ATL1: variants seen among roughly 807,000 people sequenced by gnomAD.
ATL1 encodes atlastin GTPase 1.
In ATL1, 31 loss-of-function variants were observed where a neutral mutation model predicts 75.5. The observed-to-expected ratio is 0.41, with a 90% CI of 0.31 to 0.55. ATL1 has a LOEUF of 0.55. ATL1 is among the 20% of genes least tolerant of loss of function. ATL1 has a pLI of 0.27. For missense variants in ATL1, 405 were observed against 662.6 expected (o/e 0.61, Z 4.27); for synonymous variants, 226 against 233.3 (o/e 0.97, Z 0.28).
At chr14:50,590,417 C>A (rs2140204310) in intron 2 of ATL1, among the ~76,000 whole-genome samples, 1 of 152,220 alleles carries the variant, frequency 6.6e-6, no homozygotes, top group African/African-American at 2.4e-5. Flanking sequence ...TTCCTCCTCC[C>A]ACAAAACCAA....
chr14:50,561,430 G>A (rs2038843720), intron 1 of ATL1, among the ~76,000 whole-genome samples: 2 of 152,174 alleles, frequency 1.3e-5, no homozygotes, highest in Admixed American at 1.3e-4. Context: ...ATTGTTATTT[G>A]GAAATAACAG....
chr14:50,601,554 C>G (rs1475268956), intron 6 of ATL1, among the ~76,000 whole-genome samples: 1 of 152,152 alleles, frequency 6.6e-6, no homozygotes, highest in Non-Finnish European at 1.5e-5. Context: ...AACCAACTTG[C>G]AAAAATTCCT....
rs867339430 is a variant in ATL1 at position 50,584,072 on chromosome 14, C to T, written c.35-3759C>T. On this transcript the variant is annotated intron_variant, in intron 1 of 13. Coordinates refer to ENST00000358385, the MANE Select transcript of ATL1 (RefSeq NM_015915.5). The stretch of plus-strand genomic sequence containing the variant: ...GGACTAGGAACTTAAGTATCAAAAG[C>T]AAACTTTAAAACATAGAAAAGTCTG... 1.1e-4 allele frequency among the ~76,000 whole-genome samples: 17 copies of T among 152,110 alleles called. 1 individual carries two copies. The highest frequency in any genetic ancestry group is 3.4e-4 in the African/African-American group (14 of 41,418).
intron 1 of ATL1, among the ~76,000 whole-genome samples, chr14:50,549,219 G>T (rs1215914277): frequency 6.6e-6 from 1 of 152,116 alleles, no homozygotes; most frequent in African/African-American, 2.4e-5. Flanking sequence ...GTCTAGCAAA[G>T]GCACCCAACA....
chr14:50,601,783 T>A (rs989566451), intron 6 of ATL1, among the ~76,000 whole-genome samples: 3 of 152,116 alleles, frequency 2.0e-5, no homozygotes, highest in African/African-American at 7.2e-5. Flanking sequence ...AATAACTAGG[T>A]TCTTTATATT....
In ATL1 at chr14:50,632,544, T is replaced by C. The variant is rs552249091; in HGVS notation, c.*205T>C. ...ATGGTTATACTATTTTGTTAACATG[T>C]ACAATTTCCTGATTTTTCTTCAAAA... On this transcript the variant is annotated 3_prime_UTR_variant, in exon 14 of 14. Transcript: ENST00000358385. The C allele has an allele frequency of 4.5e-6, 2 of 440,620 alleles. No individual in the cohort carries two copies. The highest frequency in any genetic ancestry group is 8.4e-6 in the Non-Finnish European group (2 of 237,568). The allele number at this position is 440,620 out of a possible 1,614,324, so 27.3% of individuals were successfully genotyped here.
At chr14:50,579,518 A>C (rs1304255403) in intron 1 of ATL1, among the ~76,000 whole-genome samples, 1 of 152,194 alleles carries the variant, frequency 6.6e-6, no homozygotes, top group Non-Finnish European at 1.5e-5. Flanking sequence ...TATGCAACAG[A>C]GAAATAAGCT....
At chr14:50,613,754 A>C (rs1358119821) in intron 7 of ATL1, among the ~76,000 whole-genome samples, 1 of 152,200 alleles carries the variant, frequency 6.6e-6, no homozygotes, top group Non-Finnish European at 1.5e-5. Flanking sequence ...TATCACCAAA[A>C]GTGCCTACTG....
chr14:50,628,328 A>T lies in ATL1; in HGVS notation c.1417A>T (p.Ile473Leu). 1 of 1,614,180 alleles carries T rather than the reference A, an allele frequency of 6.2e-7. No homozygotes were observed. Among genetic ancestry groups the T allele is most frequent in the Non-Finnish European group, 8.5e-7 (1 of 1,180,028 alleles). Residue 473 changes from isoleucine to leucine, a missense_variant, in exon 12 of 14, where the codon ATA becomes TTA. Ile to Leu is a conservative substitution (Grantham distance 5). Transcript: ENST00000358385. The stretch of plus-strand genomic sequence containing the variant: ...GACTGGATTCATTGGTTTGGACATC[A>T]TAGCTAGCCTATGCAATATGATAAT... ...GVTGFIGLDI[I>L]ASLCNMIMGL...
intron 6 of ATL1, among the ~76,000 whole-genome samples, chr14:50,602,830 T>C (rs1162658753): frequency 2.6e-5 from 4 of 152,066 alleles, no homozygotes; most frequent in Non-Finnish European, 5.9e-5. Flanking sequence ...GCCTTGATGA[T>C]TGATGCAGAA....
At chr14:50,575,910 A>G (rs2039001710) in intron 1 of ATL1, among the ~76,000 whole-genome samples, 1 of 152,196 alleles carries the variant, frequency 6.6e-6, no homozygotes, top group Non-Finnish European at 1.5e-5. Context: ...CCAGTAACTC[A>G]GAACACCACA....
chr14:50,551,301 T>C (rs1454501882), intron 1 of ATL1, among the ~76,000 whole-genome samples: 1 of 151,912 alleles, frequency 6.6e-6, no homozygotes, highest in Admixed American at 6.6e-5. Flanking sequence ...TTCCTGGAAA[T>C]GTACAACCCT....
chr14:50,583,903 G>C (rs1429310295), intron 1 of ATL1, among the ~76,000 whole-genome samples: 3 of 152,130 alleles, frequency 2.0e-5, no homozygotes, highest in Non-Finnish European at 4.4e-5. Flanking sequence ...GTGTGTTTGT[G>C]TAAAACTCTT....
intron 1 of ATL1, among the ~76,000 whole-genome samples, chr14:50,584,599 T>C (rs1225962370): frequency 1.3e-5 from 2 of 151,642 alleles, no homozygotes; most frequent in Admixed American, 1.3e-4. Flanking sequence ...GTCCCAGCTA[T>C]TCAGGAGGCT....
intron 1 of ATL1, among the ~76,000 whole-genome samples, chr14:50,563,025 T>C (rs1020308379): frequency 2.6e-5 from 4 of 152,252 alleles, no homozygotes; most frequent in South Asian, 2.1e-4. Flanking sequence ...AGTAGATGAT[T>C]GACCCAGGAT....
chr14:50,604,936 G>C (rs1300220917), intron 6 of ATL1, among the ~76,000 whole-genome samples: 2 of 152,076 alleles, frequency 1.3e-5, no homozygotes, highest in Admixed American at 1.3e-4. Context: ...GATACTTCAA[G>C]TAATTAGATG....
chr14:50,539,959 C>T (rs764251454), intron 1 of ATL1, among the ~76,000 whole-genome samples: 1 of 152,090 alleles, frequency 6.6e-6, no homozygotes, highest in Non-Finnish European at 1.5e-5. Context: ...CTTAGTCAAA[C>T]TCTATTCATA....
intron 1 of ATL1, among the ~76,000 whole-genome samples, chr14:50,534,197 C>G (rs1239416487): frequency 6.6e-6 from 1 of 152,192 alleles, no homozygotes; most frequent in Non-Finnish European, 1.5e-5. Context: ...CATGTTTACA[C>G]TTGCGTTACT....
intron 4 of ATL1, among the ~76,000 whole-genome samples, chr14:50,593,161 T>C (rs2039179558): frequency 6.6e-6 from 1 of 151,924 alleles, no homozygotes; most frequent in Non-Finnish European, 1.5e-5. Context: ...ATTATTTATA[T>C]TTGACCTGAA....
Sources: gnomAD v4.1 joint callset for allele counts (sites outside exome capture counted in the v4.1 genomes callset) on GRCh38, gnomAD v4.1.1 for gene constraint, MANE v1.5 for transcripts, NCBI Gene and HGNC (gene_info 2026-07-23, HGNC 2026-07-21) for gene names.